The following EPRS1 variants were observed in gnomAD, a reference collection of about 807,000 sequenced individuals.
EPRS1 encodes glutamyl-prolyl-tRNA synthetase 1.
EPRS1 carries 107 observed loss-of-function variants against 188.3 expected under a neutral mutation model. That is an observed-to-expected ratio of 0.57 (90% CI 0.49 to 0.67). The LOEUF (loss-of-function observed/expected upper bound fraction) is 0.67, where lower values mean the gene tolerates loss of function less well. EPRS1 is among the 30% of genes least tolerant of loss of function. EPRS1 has a pLI of 0.00. For missense variants in EPRS1, 1,577 were observed against 1,802.2 expected (o/e 0.88, Z 2.26); for synonymous variants, 596 against 593.1 (o/e 1.00, Z -0.07).
rs939675121 is a variant in EPRS1, at chr1:220,020,225, G to C, written c.1116-4C>G. ...AAAATCATATGTTGGATAAACACTA[G>C]AAAAAAAGAAAATAAAATAAACAAA... On this transcript the variant is annotated splice_region_variant and splice_polypyrimidine_tract_variant and intron_variant, in intron 9 of 31. Coordinates refer to ENST00000366923, the MANE Select transcript of EPRS1 (RefSeq NM_004446.3). The C allele has an allele frequency of 6.4e-6, 10 of 1,557,716 alleles. No individual in the cohort carries two copies. In the Admixed American group the frequency reaches 1.4e-4, roughly 22 times the overall value.
At chr1:220,008,229 T>C (rs1661533228) in intron 13 of EPRS1, among the ~76,000 whole-genome samples, 1 of 152,090 alleles carries the variant, frequency 6.6e-6, no homozygotes. Flanking sequence ...GATGCCACCT[T>C]AGCAGGAAAT....
intron 9 of EPRS1, among the ~76,000 whole-genome samples, chr1:220,021,001 A>G (rs1768674): frequency 0.83 from 124,675 of 150,942 alleles, 51,672 homozygotes; most frequent in East Asian, 0.95. Flanking sequence ...TCAGCCTCCC[A>G]GGTATAGATG....
intron 28 of EPRS1, among the ~76,000 whole-genome samples, chr1:219,975,534 T>C (rs1474043562): frequency 3.9e-5 from 6 of 152,052 alleles, no homozygotes; most frequent in Admixed American, 6.6e-5. Context: ...CCTCCCAGGT[T>C]CAAGCGATTC....
intron 12 of EPRS1, 93 bp downstream of exon 12, chr1:220,018,356 C>T: frequency 9.0e-7 from 1 of 1,116,676 alleles, no homozygotes; most frequent in Non-Finnish European, 1.3e-6. Context: ...TCTTCACAAA[C>T]TTTTCTCTAC....
chr1:220,035,627 G>C (rs1292500363), intron 2 of EPRS1, among the ~76,000 whole-genome samples: 7 of 151,938 alleles, frequency 4.6e-5, no homozygotes, highest in Non-Finnish European at 1.0e-4. Context: ...TCAGGAGTTT[G>C]AGACCAGCCT....
chr1:220,027,799 A>G (rs1032941438), intron 6 of EPRS1, among the ~76,000 whole-genome samples: 7 of 151,998 alleles, frequency 4.6e-5, no homozygotes, highest in African/African-American at 7.2e-5. Context: ...GCTGACCAAC[A>G]TGGCGGAACT....
intron 16 of EPRS1, among the ~76,000 whole-genome samples, chr1:220,003,164 T>A (rs1166001783): frequency 1.3e-5 from 2 of 152,238 alleles, no homozygotes; most frequent in Admixed American, 6.5e-5. Context: ...ATTTCAGCCA[T>A]CCTAGTGGTA....
At position 220,007,414 on chromosome 1, in the gene EPRS1, T is replaced by C. The variant is rs1212796316; in HGVS notation, c.1606-76A>G. ...CCCAGTATGCAAATTTATACATTCATTCTATTCTTTAACCATACAAAAGTC... is the reference window on the plus strand; with the variant it reads ...CCCAGTATGCAAATTTATACATTCACTCTATTCTTTAACCATACAAAAGTC... On this transcript the variant is annotated intron_variant, in intron 13 of 31. Transcript: ENST00000366923. 15 of 1,426,994 alleles carry C rather than the reference T, an allele frequency of 1.1e-5. No homozygotes were observed. The Admixed American group carries it at 2.4e-4, about 23-fold the overall frequency. 88.4% of individuals were successfully genotyped at this position (1,426,994 alleles called of 1,614,324 possible).
Position 219,982,784 on chromosome 1 carries a change from T to G in EPRS1, c.3361A>C (p.Thr1121Pro). 6.2e-7 allele frequency: 1 copy of G among 1,613,954 alleles called. No individual in the cohort carries two copies. Among genetic ancestry groups the G allele is most frequent in the Non-Finnish European group, 8.5e-7 (1 of 1,179,822 alleles). ...ELAEPIAIRP[T>P]SETVMYPAYA... ...TGCCTATTCTCACCTGTTTCACTAG[T>G]AGGACGAATGGCAATTGGTTCTGCC... Residue 1121 changes from threonine to proline, a missense_variant, in exon 23 of 32, where the codon ACT becomes CCT. Transcript: ENST00000366923.
chr1:220,018,267 A>T, intron 12 of EPRS1, 182 bp downstream of exon 12: 1 of 913,356 alleles, frequency 1.1e-6, no homozygotes, highest in South Asian at 1.5e-5. Flanking sequence ...GGAATAGTTA[A>T]TAGGCTTAAT....
In EPRS1 at chr1:220,001,194, C is replaced by T; in HGVS notation, c.2125G>A (p.Glu709Lys). The T allele has an allele frequency of 6.2e-7, 1 of 1,613,960 alleles. No individual in the cohort carries two copies. Among genetic ancestry groups the T allele is most frequent in the South Asian group, 1.1e-5 (1 of 91,076 alleles). ...TCCTTTGACCCTGATGTTGGCATTTCCTTTGTGTGCCCATCAGGAATGTAT... is the reference window on the plus strand; with the variant it reads ...TCCTTTGACCCTGATGTTGGCATTTTCTTTGTGTGCCCATCAGGAATGTAT... Reference protein sequence around the residue: ...LIYIPDGHTKEMPTSGSKEKT... With the variant: ...LIYIPDGHTKKMPTSGSKEKT... The change falls in exon 17 of 32, where the codon GAA (glutamate) becomes AAA (lysine). Residue 709 changes from glutamate to lysine, a missense_variant. This residue lies in a region of EPRS1 where 1,278 missense variants were observed against 1,457.4 expected (regional missense o/e 0.88). Coordinates refer to ENST00000366923, the MANE Select transcript of EPRS1 (RefSeq NM_004446.3).
At chr1:219,999,442 G>A (rs899399090) in intron 17 of EPRS1, among the ~76,000 whole-genome samples, 2 of 151,880 alleles carry the variant, frequency 1.3e-5, no homozygotes, top group Non-Finnish European at 2.9e-5. Context: ...GACCAACAGA[G>A]TACAGCAGAA....
intron 9 of EPRS1, among the ~76,000 whole-genome samples, chr1:220,021,746 C>G (rs1273465822): frequency 6.6e-6 from 1 of 152,138 alleles, no homozygotes; most frequent in Non-Finnish European, 1.5e-5. Context: ...CATCAGCTAA[C>G]CAAGTAATCA....
intron 30 of EPRS1, chr1:219,969,362 A>T: frequency 2.1e-6 from 1 of 485,756 alleles, no homozygotes; most frequent in Non-Finnish European, 3.7e-6. Context: ...CAACAAAGAC[A>T]TCTTTGCAGT....
intron 17 of EPRS1, among the ~76,000 whole-genome samples, chr1:220,000,488 C>T (rs900024198): frequency 6.6e-6 from 1 of 152,136 alleles, no homozygotes; most frequent in African/African-American, 2.4e-5. Context: ...TTAAAGAGAT[C>T]TGTAAAAATT....
In EPRS1 at chr1:220,019,904, C is replaced by T. The variant is rs915783963; in HGVS notation, c.1349+84G>A. On this transcript the variant is annotated intron_variant, in intron 10 of 31. Coordinates refer to ENST00000366923, the MANE Select transcript of EPRS1 (RefSeq NM_004446.3). ...TACCCATTCCCCCTCCTCCCAATCA[C>T]CTTCCCTATCTCTCAAGCAGTTTAA... 20 of 908,134 alleles carry T rather than the reference C, an allele frequency of 2.2e-5. No homozygotes were observed. The Admixed American group carries it at 3.8e-4, about 17-fold the overall frequency. The allele number at this position is 908,134 out of a possible 1,614,324, so 56.3% of individuals were successfully genotyped here.
chr1:219,982,292 A>G (rs1660914160), intron 23 of EPRS1, among the ~76,000 whole-genome samples: 1 of 152,198 alleles, frequency 6.6e-6, no homozygotes, highest in South Asian at 2.1e-4. Context: ...CTTTACCTGC[A>G]AAATGGAAAT....
At chr1:220,046,202 G>A (rs1045003516) in intron 1 of EPRS1, 141 bp downstream of exon 1, 1 of 977,856 alleles carries the variant, frequency 1.0e-6, no homozygotes, top group Non-Finnish European at 1.5e-6. Flanking sequence ...CCTCCTCCAC[G>A]TACAATTCTG....
rs547142442 is a variant in EPRS1 at position 220,039,918 on chromosome 1, G to T, written c.131+267C>A. Among the ~76,000 whole-genome samples, 102 of 152,298 alleles carry T rather than the reference G, an allele frequency of 6.7e-4. No homozygotes were observed. In the South Asian group the frequency reaches 9.3e-3, roughly 14 times the overall value. ...TGCTGAGGCCGGAGGATGGCTTGAG[G>T]CCAGGGGTTCGAAACTGGGCTGGGC... On this transcript the variant is annotated intron_variant, in intron 2 of 31. Transcript: ENST00000366923.
Sources: gnomAD v4.1 joint callset for allele counts (sites outside exome capture counted in the v4.1 genomes callset) on GRCh38, gnomAD v4.1.1 for gene constraint, gnomAD v4.1.1 regional missense constraint, MANE v1.5 for transcripts, NCBI Gene and HGNC (gene_info 2026-07-23, HGNC 2026-07-21) for gene names.